ADARB2: variants seen among roughly 807,000 people sequenced by gnomAD.
ADARB2 encodes the protein inactive double-stranded RNA-specific editase B2.
Under a neutral mutation model 62.2 loss-of-function variants are expected in ADARB2, and 25 were observed. The ratio of observed to expected loss-of-function variants is 0.40; its 90% CI spans 0.29 to 0.56. The LOEUF is 0.56. ADARB2 is among the 20% of genes least tolerant of loss of function. ADARB2 has a pLI of 0.43. For synonymous variants in ADARB2, 572 were observed against 500.8 expected, an observed-to-expected ratio of 1.14 and a Z score of -1.90; for missense variants, 1,071 against 1,077.4, an observed-to-expected ratio of 0.99 and a Z score of 0.08.
At chr10:1,641,471 G>A (rs11250694) in intron 1 of ADARB2, among the ~76,000 whole-genome samples, 31,131 of 152,236 alleles carry the variant, frequency 0.2, 3,466 homozygotes, top group Admixed American at 0.26. Flanking sequence ...GAAATAAAAG[G>A]TCTGTATTTA....
At position 1,217,113 on chromosome 10, in the gene ADARB2, C is replaced by T; in HGVS notation, c.1520G>A (p.Ser507Asn). ...SPYEITTDLHSSKHLVRKFRG... is the reference protein window; with the variant it reads ...SPYEITTDLHNSKHLVRKFRG... ...GAACTTCCTGACGAGGTGTTTGCTG[C>T]TGTGCACTAGGAGATAAAAGGGCGG... Residue 507 changes from serine (S) to asparagine (N), a missense_variant, in exon 7 of 10, where the codon AGC becomes AAC. Coordinates refer to ENST00000381312, the MANE Select transcript of ADARB2 (RefSeq NM_018702.4). 2 of 1,594,628 alleles carry T rather than the reference C, an allele frequency of 1.3e-6. No individual in the cohort carries two copies. Among genetic ancestry groups the T allele is most frequent in the Non-Finnish European group, 1.7e-6 (2 of 1,171,110 alleles).
intron 6 of ADARB2, among the ~76,000 whole-genome samples, chr10:1,229,869 G>T (rs1358084443): frequency 1.4e-5 from 2 of 139,206 alleles, no homozygotes; most frequent in African/African-American, 5.4e-5. Flanking sequence ...TGTGTGTGTG[G>T]GTATATATGT....
At chr10:1,288,894 C>T (rs1185767663) in intron 3 of ADARB2, among the ~76,000 whole-genome samples, 2 of 152,298 alleles carry the variant, frequency 1.3e-5, no homozygotes, top group Admixed American at 1.3e-4. Flanking sequence ...CTAAGGCCCC[C>T]CAACCATCCA....
rs1163075561 is a variant in ADARB2 at position 1,267,827 on chromosome 10, T to A, written c.1192+3128A>T. ...CTGGGAGGGTTGAAGGTGGTTCTGC[T>A]TGGCTCTGTAGTGGGAATATCTGCA... On this transcript the variant is annotated intron_variant, in intron 4 of 9. Coordinates refer to ENST00000381312, the MANE Select transcript of ADARB2 (RefSeq NM_018702.4). Among the ~76,000 whole-genome samples the A allele has an allele frequency of 3.3e-5, 5 of 152,332 alleles. No homozygotes were observed. The East Asian group carries it at 9.7e-4, about 29-fold the overall frequency.
At chr10:1,578,416 A>G (rs532126085) in intron 1 of ADARB2, among the ~76,000 whole-genome samples, 1 of 152,202 alleles carries the variant, frequency 6.6e-6, no homozygotes, top group Admixed American at 6.5e-5. Flanking sequence ...ACTGCAAGCG[A>G]CTTTGAAACC....
chr10:1,258,223 T>C (rs1468923858), intron 4 of ADARB2, among the ~76,000 whole-genome samples: 1 of 152,216 alleles, frequency 6.6e-6, no homozygotes, highest in Non-Finnish European at 1.5e-5. Context: ...AAGAATATTT[T>C]AGCTTGTTAG....
intron 1 of ADARB2, among the ~76,000 whole-genome samples, chr10:1,673,815 GC>G (rs1834425381): frequency 1.3e-5 from 2 of 152,242 alleles, no homozygotes; most frequent in South Asian, 4.1e-4. Flanking sequence ...ACCAGGAGGG[GC>G]AGCTGGGCTG....
intron 1 of ADARB2, among the ~76,000 whole-genome samples, chr10:1,505,708 C>A (rs112154154): frequency 8.8e-6 from 1 of 113,792 alleles, no homozygotes; most frequent in Non-Finnish European, 2.1e-5. Context: ...CCGTGGCAGC[C>A]GCCTCCCCAT....
At chr10:1,480,657 C>T (rs879140914) in intron 1 of ADARB2, among the ~76,000 whole-genome samples, 1 of 138,558 alleles carries the variant, frequency 7.2e-6, no homozygotes, top group Admixed American at 7.2e-5. Flanking sequence ...GAGATTGTGC[C>T]CCTGCACTCC....
chr10:1,362,551 G>T (rs1410647538), intron 3 of ADARB2, among the ~76,000 whole-genome samples: 1 of 152,016 alleles, frequency 6.6e-6, no homozygotes, highest in African/African-American at 2.4e-5. Context: ...CCCCACTCTC[G>T]CTCCGGCCTC....
chr10:1,362,321 C>T (rs1832265707), intron 3 of ADARB2, among the ~76,000 whole-genome samples: 2 of 152,244 alleles, frequency 1.3e-5, no homozygotes, highest in South Asian at 4.1e-4. Context: ...TTTCATTTCC[C>T]AGAAATATCT....
At chr10:1,328,863 G>A (rs557680757) in intron 3 of ADARB2, among the ~76,000 whole-genome samples, 1 of 151,982 alleles carries the variant, frequency 6.6e-6, no homozygotes, top group South Asian at 2.1e-4. Context: ...ATGGTGGTGT[G>A]TGTCTGCAGT....
At chr10:1,724,365 T>C (rs1006196492) in intron 1 of ADARB2, among the ~76,000 whole-genome samples, 1 of 152,178 alleles carries the variant, frequency 6.6e-6, no homozygotes, top group Non-Finnish European at 1.5e-5. Context: ...CGAAGGACAC[T>C]CTCACAGGAT....
intron 3 of ADARB2, among the ~76,000 whole-genome samples, chr10:1,341,974 C>A (rs1362026585): frequency 6.6e-6 from 1 of 152,250 alleles, no homozygotes; most frequent in Non-Finnish European, 1.5e-5. Context: ...CCCTCTCACT[C>A]TTCTTTCTGA....
chr10:1,682,026 C>T (rs550684427), intron 1 of ADARB2, among the ~76,000 whole-genome samples: 28 of 152,280 alleles, frequency 1.8e-4, no homozygotes, highest in South Asian at 6.2e-4. Flanking sequence ...CTTTAACAGA[C>T]GCATATTTAT....
At chr10:1,263,829 T>G (rs1238994904) in intron 4 of ADARB2, among the ~76,000 whole-genome samples, 1 of 152,078 alleles carries the variant, frequency 6.6e-6, no homozygotes, top group Non-Finnish European at 1.5e-5. Flanking sequence ...ACTATTTAAA[T>G]GAGCCAGGCT....
chr10:1,224,223 T>C (rs1320790593), intron 6 of ADARB2, among the ~76,000 whole-genome samples: 4 of 152,164 alleles, frequency 2.6e-5, no homozygotes, highest in African/African-American at 9.7e-5. Context: ...GAGGTGTTTG[T>C]AGTATTCTCT....
At chr10:1,664,748 C>T (rs753968918) in intron 1 of ADARB2, among the ~76,000 whole-genome samples, 3 of 152,146 alleles carry the variant, frequency 2.0e-5, no homozygotes, top group Non-Finnish European at 4.4e-5. Flanking sequence ...GCAAGGGGAA[C>T]GTGGGACTCC....
chr10:1,378,235 C>T (rs983982563), intron 2 of ADARB2, among the ~76,000 whole-genome samples: 1 of 152,214 alleles, frequency 6.6e-6, no homozygotes, highest in African/African-American at 2.4e-5. Context: ...GATCCCTTTC[C>T]TAAACCAGCC....
Sources: gnomAD v4.1 joint callset for allele counts (sites outside exome capture counted in the v4.1 genomes callset) on GRCh38, gnomAD v4.1.1 for gene constraint, MANE v1.5 for transcripts, NCBI Gene and HGNC (gene_info 2026-07-23, HGNC 2026-07-21) for gene names.